The following CTTNBP2 variants were observed in gnomAD, a reference collection of about 807,000 sequenced individuals.
CTTNBP2 encodes cortactin-binding protein 2.
A neutral mutation model predicts 156.9 loss-of-function variants in CTTNBP2; 108 were observed. The ratio of observed to expected loss-of-function variants is 0.69; its 90% CI spans 0.59 to 0.81. CTTNBP2 has a LOEUF of 0.81. Ranked by LOEUF, CTTNBP2 falls within the 30% of genes least tolerant of loss-of-function variation. The pLI is 0.00. For missense variants in CTTNBP2, 1,924 were observed against 2,035.4 expected, an observed-to-expected ratio of 0.95 and a Z score of 1.05; for synonymous variants, 767 against 751.8, an observed-to-expected ratio of 1.02 and a Z score of -0.33.
intron 1 of CTTNBP2, among the ~76,000 whole-genome samples, chr7:117,869,769 A>G (rs1023419355): frequency 2.6e-5 from 4 of 150,954 alleles, no homozygotes; most frequent in African/African-American, 7.3e-5. Flanking sequence ...TGGGGCAAAC[A>G]GAAATCTACA....
intron 2 of CTTNBP2, among the ~76,000 whole-genome samples, chr7:117,837,907 C>T (rs1272772708): frequency 6.6e-6 from 1 of 152,208 alleles, no homozygotes; most frequent in East Asian, 1.9e-4. Flanking sequence ...CTGCAGTATC[C>T]TTCAACATCT....
In CTTNBP2 at chr7:117,767,108, A is replaced by C. The variant is rs1172746858; in HGVS notation, c.2847T>G (p.Thr949=). The change falls in exon 9 of 23, where the codon ACT becomes ACG. Residue 949 remains threonine (T), a synonymous_variant. Transcript: ENST00000160373. ...AGTCATCAGTGGCAACATCATGCACAGTCCGATTGCACTTGTCTCTCCTTT... is the reference window on the plus strand; with the variant it reads ...AGTCATCAGTGGCAACATCATGCACCGTCCGATTGCACTTGTCTCTCCTTT... ...EPERRDKCNR[T]VHDVATDDCK... 3 of 1,612,788 alleles carry C rather than the reference A, an allele frequency of 1.9e-6. No homozygotes were observed. The highest frequency in any genetic ancestry group is 2.5e-6 in the Non-Finnish European group (3 of 1,178,794).
At chr7:117,809,132 T>TCA (rs1306748009) in intron 3 of CTTNBP2, among the ~76,000 whole-genome samples, 1 of 151,772 alleles carries the variant, frequency 6.6e-6, no homozygotes. Flanking sequence ...CCTTTCACTA[T>TCA]CAGCCAGGTT....
chr7:117,721,071 G>GT lies in CTTNBP2; in HGVS notation c.4506dup (p.Gln1503ThrfsTer7). ...AAATTTGAAAGGGGAACTTACTTTT[G>GT]TTTTGACAGAGAAGCATTCCTGTTA... On this transcript the variant is annotated frameshift_variant, in exon 20 of 23. Transcript: ENST00000160373. LOFTEE classifies it high-confidence loss of function. 1 of 1,596,118 alleles carries GT rather than the reference G, an allele frequency of 6.3e-7. No individual in the cohort carries two copies. Among genetic ancestry groups the GT allele is most frequent in the Non-Finnish European group, 8.6e-7 (1 of 1,163,814 alleles).
At chr7:117,790,992 GAGAA>G (rs1196967913) in intron 4 of CTTNBP2, 132 bp downstream of exon 4, 16 of 708,016 alleles carry the variant, frequency 2.3e-5, no homozygotes, top group Admixed American at 1.5e-4. Context: ...AAAAAAGAGA[GAGAA>G]AGAAAAGAAA....
chr7:117,855,747 AG>A (rs1803265622), intron 2 of CTTNBP2, among the ~76,000 whole-genome samples: 1 of 152,246 alleles, frequency 6.6e-6, no homozygotes, highest in Non-Finnish European at 1.5e-5. Context: ...GTTTTTGAAA[AG>A]GAAGATCATT....
intron 9 of CTTNBP2, among the ~76,000 whole-genome samples, chr7:117,765,349 T>C (rs1396455758): frequency 6.6e-6 from 1 of 152,224 alleles, no homozygotes; most frequent in Non-Finnish European, 1.5e-5. Flanking sequence ...ATTGTCAGAA[T>C]TGGAATCTTA....
At chr7:117,762,637 CCT>C (rs1214244627) in intron 9 of CTTNBP2, among the ~76,000 whole-genome samples, 1 of 152,190 alleles carries the variant, frequency 6.6e-6, no homozygotes, top group Non-Finnish European at 1.5e-5. Flanking sequence ...TCTGTGACTT[CCT>C]ATAGCTGATT....
chr7:117,734,816 G>T, intron 16 of CTTNBP2, 97 bp downstream of exon 16: 1 of 926,018 alleles, frequency 1.1e-6, no homozygotes, highest in Admixed American at 3.1e-5. Flanking sequence ...ACCTGCCCAA[G>T]GCTGCATAGT....
At chr7:117,728,000 A>T in intron 17 of CTTNBP2, 89 bp downstream of exon 17, 2 of 1,203,206 alleles carry the variant, frequency 1.7e-6, no homozygotes, top group South Asian at 2.9e-5. Context: ...AGGTGGCACA[A>T]GGCAGCCTGG....
At chr7:117,830,456 T>C (rs1266028293) in intron 2 of CTTNBP2, among the ~76,000 whole-genome samples, 2 of 152,208 alleles carry the variant, frequency 1.3e-5, no homozygotes, top group African/African-American at 4.8e-5. Context: ...AGCTTGTGAA[T>C]GAGTGAACAG....
intron 12 of CTTNBP2, among the ~76,000 whole-genome samples, chr7:117,750,965 T>A (rs981887): frequency 0.097 from 14,784 of 152,274 alleles, 2,332 homozygotes; most frequent in African/African-American, 0.33. Flanking sequence ...ATTTATAGTG[T>A]GACATTTCTG....
rs1794765348 is a variant in CTTNBP2 at position 117,721,105 on chromosome 7, C to T, written c.4473G>A (p.Gln1491=). ...GAGAAGCATTCCTGTTACAATTCAG[C>T]TGTGATATAGTCTTATTTTTCATAC... ...TEGMKNKTIS[Q]LNCNRNASLS... The change falls in exon 20 of 23, where the codon CAG becomes CAA. Residue 1491 remains glutamine (Q), a synonymous_variant. Transcript: ENST00000160373. The T allele has an allele frequency of 6.2e-7, 1 of 1,604,828 alleles. No individual in the cohort carries two copies. The highest frequency in any genetic ancestry group is 1.7e-5 in the Admixed American group (1 of 59,960).
rs570373433 is a variant in CTTNBP2, at chr7:117,744,273, T to C, written c.3535+1558A>G. On this transcript the variant is annotated intron_variant, in intron 14 of 22. Transcript: ENST00000160373. ...GTCACTATCAAACAGTAGGTCTCAT[T>C]CATTCTTTCTATTTTTTCAGAACCC... Among the ~76,000 whole-genome samples, 7 of 151,262 alleles carry C rather than the reference T, an allele frequency of 4.6e-5. No individual in the cohort carries two copies. The South Asian group carries it at 1.5e-3, about 31-fold the overall frequency.
At position 117,792,754 on chromosome 7, in the gene CTTNBP2, C is replaced by G. The variant is rs1324261573; in HGVS notation, c.442G>C (p.Ala148Pro). 6.4e-7 allele frequency: 1 copy of G among 1,572,138 alleles called. No homozygotes were observed. The highest frequency in any genetic ancestry group is 8.6e-7 in the Non-Finnish European group (1 of 1,161,720). Residue 148 changes from alanine to proline, a missense_variant, in exon 4 of 23, where the codon GCC becomes CCC. Coordinates refer to ENST00000160373, the MANE Select transcript of CTTNBP2 (RefSeq NM_033427.3). This position sits in a 1 kb window ranked among gnomAD's most constrained non-coding sequence, Gnocchi z 4.2. Reference sequence around the variant, plus strand: ...AGCTTCTTGTGCTCTTGCTCAAGGGCTTGTAGCTGAAGCTTCTCCATTTCC... The same window carrying G: ...AGCTTCTTGTGCTCTTGCTCAAGGGGTTGTAGCTGAAGCTTCTCCATTTCC... ...KLEMEKLQLQ[A>P]LEQEHKKLAA...
At chr7:117,830,038 A>T (rs527948296) in intron 2 of CTTNBP2, among the ~76,000 whole-genome samples, 90 of 152,352 alleles carry the variant, frequency 5.9e-4, no homozygotes, top group African/African-American at 2.1e-3. Flanking sequence ...ATTCCATAGA[A>T]ACAGGAGTAT....
chr7:117,807,170 G>A (rs1799999653), intron 3 of CTTNBP2, among the ~76,000 whole-genome samples: 1 of 152,046 alleles, frequency 6.6e-6, no homozygotes, highest in Non-Finnish European at 1.5e-5. Flanking sequence ...CAATGCTCCT[G>A]GGGAATCAAA....
intron 2 of CTTNBP2, among the ~76,000 whole-genome samples, chr7:117,849,225 G>T (rs891838118): frequency 6.6e-6 from 1 of 152,212 alleles, no homozygotes; most frequent in Non-Finnish European, 1.5e-5. Context: ...CCGATGTGAT[G>T]TTACACAAAT....
intron 2 of CTTNBP2, among the ~76,000 whole-genome samples, chr7:117,836,820 C>T (rs1238005806): frequency 6.6e-6 from 1 of 152,078 alleles, no homozygotes; most frequent in Admixed American, 6.6e-5. Flanking sequence ...AAGGGGAAAC[C>T]CTTTATAAAA....
Sources: gnomAD v4.1 joint callset for allele counts (sites outside exome capture counted in the v4.1 genomes callset) on GRCh38, gnomAD v4.1.1 for gene constraint, Gnocchi (gnomAD v3.1) non-coding constraint, MANE v1.5 for transcripts, NCBI Gene and HGNC (gene_info 2026-07-23, HGNC 2026-07-21) for gene names.